UBE2W: variants seen among roughly 807,000 people sequenced by gnomAD.
The protein encoded by UBE2W is ubiquitin-conjugating enzyme E2 W.
Under a neutral mutation model 27.2 loss-of-function variants are expected in UBE2W, and 18 were observed. That is an observed-to-expected ratio of 0.66 (90% CI 0.46 to 0.98). The LOEUF is 0.98. UBE2W is among the 50% of genes least tolerant of loss of function. UBE2W has a pLI of 0.00. For synonymous variants in UBE2W, 53 were observed against 57.2 expected, an observed-to-expected ratio of 0.93 and a Z score of 0.33; for missense variants, 90 against 180.2, an observed-to-expected ratio of 0.50 and a Z score of 2.87.
chr8:73,781,450 G>T (rs1469171769), downstream of UBE2W, among the ~76,000 whole-genome samples: 1 of 151,742 alleles, frequency 6.6e-6, no homozygotes, highest in African/African-American at 2.4e-5. Context: ...GTGCAACGGG[G>T]GAATGCAAAC....
At chr8:73,853,282 T>C (rs75941458) in intron 1 of UBE2W, among the ~76,000 whole-genome samples, 1 of 152,160 alleles carries the variant, frequency 6.6e-6, no homozygotes. Flanking sequence ...AAAAGAAAGA[T>C]AAAATAGTTG....
chr8:73,877,807 G>A (rs548822940), intron 1 of UBE2W, among the ~76,000 whole-genome samples: 1 of 152,174 alleles, frequency 6.6e-6, no homozygotes, highest in East Asian at 1.9e-4. Flanking sequence ...CTCAATCCCT[G>A]CACAACTACA....
At chr8:73,838,356 G>A (rs78816303) in intron 1 of UBE2W, among the ~76,000 whole-genome samples, 2,202 of 152,000 alleles carry the variant, frequency 0.014, 64 homozygotes, top group African/African-American at 0.05. Flanking sequence ...ACCACAAAAC[G>A]GAATGCCAGA....
intron 3 of UBE2W, 75 bp from the exon 4 acceptor site, chr8:73,810,704 C>A: frequency 8.3e-7 from 1 of 1,209,674 alleles, no homozygotes; most frequent in South Asian, 2.0e-5. Context: ...CCACATATAA[C>A]AAATATTGAT....
At chr8:73,811,556 G>A (rs923900266) in intron 3 of UBE2W, among the ~76,000 whole-genome samples, 8 of 144,526 alleles carry the variant, frequency 5.5e-5, no homozygotes, top group African/African-American at 1.5e-4. Flanking sequence ...TCCTGACCTC[G>A]CCAAAAATCA....
At chr8:73,803,697 T>C (rs1186548662) in intron 5 of UBE2W, among the ~76,000 whole-genome samples, 2 of 152,162 alleles carry the variant, frequency 1.3e-5, no homozygotes, top group African/African-American at 4.8e-5. Flanking sequence ...GTATTTCTTA[T>C]TGATATTACC....
intron 1 of UBE2W, among the ~76,000 whole-genome samples, chr8:73,832,244 T>G (rs78852615): frequency 0.12 from 17,625 of 151,954 alleles, 1,251 homozygotes; most frequent in Middle Eastern, 0.16. Flanking sequence ...AAGGCTGCAG[T>G]GAACTATAGT....
intron 3 of UBE2W, among the ~76,000 whole-genome samples, chr8:73,813,041 C>T (rs1392014183): frequency 1.1e-5 from 1 of 90,304 alleles, no homozygotes; most frequent in Non-Finnish European, 2.1e-5. Context: ...CCAGTAAGGT[C>T]TCTATCAAGA....
intron 3 of UBE2W, 73 bp downstream of exon 3, chr8:73,825,074 T>C (rs773476498): frequency 3.9e-4 from 356 of 901,516 alleles, no homozygotes; most frequent in Non-Finnish European, 5.6e-4. Context: ...TTATATGTTT[T>C]TACTGAGTCA....
intron 1 of UBE2W, among the ~76,000 whole-genome samples, chr8:73,854,890 A>AC (rs1385593103): frequency 1.3e-5 from 2 of 152,254 alleles, no homozygotes; most frequent in African/African-American, 4.8e-5. Flanking sequence ...TTCTTACAAT[A>AC]AAGTGAGCTA....
chr8:73,805,462 A>AAAAAAAAAAAAC (rs1808844668), intron 5 of UBE2W, among the ~76,000 whole-genome samples, 189 bp downstream of exon 5: 1 of 132,750 alleles, frequency 7.5e-6, no homozygotes, highest in Non-Finnish European at 1.7e-5. Context: ...CTCAAAAAAA[A>AAAAAAAAAAAAC]AAAAAAAAAC....
At chr8:73,831,994 C>T (rs1446615493) in intron 1 of UBE2W, 2 of 151,606 alleles carry the variant, frequency 1.3e-5, no homozygotes, top group African/African-American at 2.4e-5. Context: ...AAGTAGGCTA[C>T]GTGTGGTGGC....
chr8:73,864,825 A>G (rs1336192124), intron 1 of UBE2W, among the ~76,000 whole-genome samples: 3 of 150,726 alleles, frequency 2.0e-5, no homozygotes, highest in Non-Finnish European at 4.4e-5. Flanking sequence ...AGCTGGTCTC[A>G]AACTCCTGAC....
At chr8:73,847,338 G>C (rs1436988973) in intron 1 of UBE2W, among the ~76,000 whole-genome samples, 1 of 152,172 alleles carries the variant, frequency 6.6e-6, no homozygotes, top group South Asian at 2.1e-4. Flanking sequence ...TCAACAAACT[G>C]GTAAGACCAG....
chr8:73,792,214 A>G lies in UBE2W; in HGVS notation c.*1888T>C. The G allele has an allele frequency of 1.0e-6, 1 of 985,718 alleles. No individual in the cohort carries two copies. Among genetic ancestry groups the G allele is most frequent in the Non-Finnish European group, 1.2e-6 (1 of 829,806 alleles). The allele number at this position is 985,718 out of a possible 1,614,324, so 61.1% of individuals were successfully genotyped here. The stretch of plus-strand genomic sequence containing the variant: ...GTCTTGGTTAAACAGGCCAACTAAT[A>G]AAACTGACAGAGATCATTGTGAGAA... On this transcript the variant is annotated 3_prime_UTR_variant, in exon 6 of 6. Coordinates refer to ENST00000602593, the MANE Select transcript of UBE2W (RefSeq NM_018299.6).
At chr8:73,815,637 C>G (rs1041467538) in intron 3 of UBE2W, among the ~76,000 whole-genome samples, 1 of 152,132 alleles carries the variant, frequency 6.6e-6, no homozygotes, top group African/African-American at 2.4e-5. Flanking sequence ...ACTGAAAGGC[C>G]TTATGGTACT....
At chr8:73,860,772 A>C (rs1811504613) in intron 1 of UBE2W, among the ~76,000 whole-genome samples, 1 of 152,188 alleles carries the variant, frequency 6.6e-6, no homozygotes, top group Non-Finnish European at 1.5e-5. Context: ...TTTTAAAAAC[A>C]AACAAACAAA....
intron 1 of UBE2W, among the ~76,000 whole-genome samples, chr8:73,852,905 G>C (rs556613432): frequency 2.7e-4 from 41 of 152,280 alleles, no homozygotes; most frequent in African/African-American, 8.9e-4. Context: ...CAAAATGTAA[G>C]CAAAATGCAA....
intron 1 of UBE2W, among the ~76,000 whole-genome samples, chr8:73,837,628 A>G (rs368922918): frequency 4.7e-4 from 72 of 152,354 alleles, no homozygotes; most frequent in African/African-American, 1.7e-3. Context: ...TTAAAAATAT[A>G]TACTTTGTAG....
Sources: gnomAD v4.1 joint callset for allele counts (sites outside exome capture counted in the v4.1 genomes callset) on GRCh38, gnomAD v4.1.1 for gene constraint, MANE v1.5 for transcripts, NCBI Gene and HGNC (gene_info 2026-07-23, HGNC 2026-07-21) for gene names.